ENOX1: variants seen among roughly 807,000 people sequenced by gnomAD.
ENOX1 encodes ecto-NOX disulfide-thiol exchanger 1, also known as candidate growth-related and time keeping constitutive hydroquinone (NADH) oxidase.
In ENOX1, 42 loss-of-function variants were observed where a neutral mutation model predicts 82.5. That is an observed-to-expected ratio of 0.51 (90% confidence interval 0.40 to 0.66). ENOX1 has a LOEUF of 0.66. Among genes scored for constraint, ENOX1 ranks in the 30% least tolerant of loss-of-function variants. The probability of loss-of-function intolerance (pLI) is 0.00; values close to 1 mark genes in which losing one functional copy is unlikely to be tolerated. For synonymous variants in ENOX1, 271 were observed against 282.2 expected, an observed-to-expected ratio of 0.96 and a Z score of 0.40; for missense variants, 608 against 811.6, an observed-to-expected ratio of 0.75 and a Z score of 3.05.
intron 5 of ENOX1, among the ~76,000 whole-genome samples, chr13:43,396,906 G>A (rs966789029): frequency 4.1e-4 from 63 of 152,346 alleles, no homozygotes; most frequent in African/African-American, 1.4e-3. Context: ...CAAGGGCCTC[G>A]AAATCTGTGC....
chr13:43,601,656 A>G (rs2081727834), intron 2 of ENOX1, among the ~76,000 whole-genome samples: 1 of 152,176 alleles, frequency 6.6e-6, no homozygotes, highest in Non-Finnish European at 1.5e-5. Flanking sequence ...AATAACACAG[A>G]ACTTTCCAAA....
chr13:43,734,145 A>G (rs2089487759), intron 1 of ENOX1, among the ~76,000 whole-genome samples: 1 of 152,150 alleles, frequency 6.6e-6, no homozygotes, highest in African/African-American at 2.4e-5. Context: ...TGGCCCTCTC[A>G]ACACCTTGAT....
chr13:43,266,087 A>C (rs533332409), intron 13 of ENOX1, among the ~76,000 whole-genome samples: 1 of 152,318 alleles, frequency 6.6e-6, no homozygotes, highest in African/African-American at 2.4e-5. Flanking sequence ...TCAGAGGCTT[A>C]GGAGTAATCA....
intron 5 of ENOX1, among the ~76,000 whole-genome samples, chr13:43,380,272 A>AT (rs202000314): frequency 1.3e-5 from 2 of 151,008 alleles, no homozygotes; most frequent in African/African-American, 4.9e-5. Flanking sequence ...GAAAAAAAAA[A>AT]TTTTTACTTA....
At chr13:43,295,343 T>A (rs182470308) in intron 12 of ENOX1, among the ~76,000 whole-genome samples, 23 of 152,286 alleles carry the variant, frequency 1.5e-4, no homozygotes, top group Admixed American at 1.4e-3. Flanking sequence ...CCTTTCATAT[T>A]ATTAAATTGT....
intron 3 of ENOX1, among the ~76,000 whole-genome samples, chr13:43,424,611 G>A (rs1164407932): frequency 6.6e-6 from 1 of 152,190 alleles, no homozygotes. Flanking sequence ...TAAAGCATTA[G>A]CCCTGCAGTC....
chr13:43,733,184 G>A (rs2089439185), intron 1 of ENOX1, among the ~76,000 whole-genome samples: 1 of 151,998 alleles, frequency 6.6e-6, no homozygotes, highest in South Asian at 2.1e-4. Flanking sequence ...AAAATATAAG[G>A]ATTTCATAAA....
intron 5 of ENOX1, among the ~76,000 whole-genome samples, chr13:43,395,985 G>A (rs772319820): frequency 5.9e-5 from 9 of 152,054 alleles, no homozygotes; most frequent in Non-Finnish European, 1.0e-4. Context: ...AAAAACAAAC[G>A]ATGGCCACTT....
intron 1 of ENOX1, among the ~76,000 whole-genome samples, chr13:43,759,097 CT>C (rs3044251): frequency 0.056 from 6,881 of 122,320 alleles, 247 homozygotes; most frequent in African/African-American, 0.16. Context: ...TGATAAGTTT[CT>C]TTTTTTTTTT....
chr13:43,706,744 G>A (rs1445971521), intron 1 of ENOX1, among the ~76,000 whole-genome samples: 2 of 151,278 alleles, frequency 1.3e-5, no homozygotes, highest in Non-Finnish European at 2.9e-5. Flanking sequence ...AGTAATAGAA[G>A]GGAACCTGAT....
intron 3 of ENOX1, among the ~76,000 whole-genome samples, chr13:43,421,993 G>T (rs1422848607): frequency 1.4e-5 from 2 of 143,670 alleles, no homozygotes; most frequent in African/African-American, 2.5e-5. Flanking sequence ...AAGGAACCAA[G>T]AAAAAAAAAA....
At chr13:43,479,434 G>A (rs947231908) in intron 3 of ENOX1, among the ~76,000 whole-genome samples, 1 of 152,104 alleles carries the variant, frequency 6.6e-6, no homozygotes, top group East Asian at 1.9e-4. Flanking sequence ...TGTGGCATCA[G>A]CCCCACCACT....
chr13:43,580,023 G>A (rs1011312514), intron 2 of ENOX1, among the ~76,000 whole-genome samples: 2 of 152,062 alleles, frequency 1.3e-5, no homozygotes, highest in African/African-American at 4.8e-5. Flanking sequence ...CCACATGCAA[G>A]CAGATAGTAA....
intron 1 of ENOX1, among the ~76,000 whole-genome samples, chr13:43,684,537 G>A (rs1229992531): frequency 1.3e-5 from 2 of 152,116 alleles, no homozygotes; most frequent in African/African-American, 4.8e-5. Flanking sequence ...TCCTTTTATA[G>A]CAGATTCATC....
chr13:43,270,376 G>A (rs2044617193), intron 12 of ENOX1, among the ~76,000 whole-genome samples: 1 of 152,198 alleles, frequency 6.6e-6, no homozygotes, highest in Non-Finnish European at 1.5e-5. Context: ...GACAACAAAG[G>A]ACTGGTTCGA....
intron 1 of ENOX1, among the ~76,000 whole-genome samples, chr13:43,782,394 G>T (rs1189503414): frequency 6.6e-6 from 1 of 152,066 alleles, no homozygotes; most frequent in African/African-American, 2.4e-5. Context: ...CCAGACAGTG[G>T]AAAATAGATT....
intron 14 of ENOX1, among the ~76,000 whole-genome samples, chr13:43,252,793 G>C (rs1257990307): frequency 6.6e-6 from 1 of 152,138 alleles, no homozygotes; most frequent in African/African-American, 2.4e-5. Flanking sequence ...GGGCATGGTG[G>C]CAGGTCAGTA....
At chr13:43,286,973 A>G (rs2045732567) in intron 12 of ENOX1, among the ~76,000 whole-genome samples, 1 of 152,116 alleles carries the variant, frequency 6.6e-6, no homozygotes, top group Non-Finnish European at 1.5e-5. Context: ...GCAGTTCTGA[A>G]GCACTGCTTT....
chr13:43,711,039 A>T (rs1220438208), intron 1 of ENOX1, among the ~76,000 whole-genome samples: 1 of 151,592 alleles, frequency 6.6e-6, no homozygotes, highest in Non-Finnish European at 1.5e-5. Context: ...ATTTAGTATT[A>T]GGTATATCTC....
Sources: allele counts gnomAD v4.1 joint callset (sites outside exome capture counted in the v4.1 genomes callset), GRCh38; gene constraint gnomAD v4.1.1; transcripts MANE v1.5; gene names NCBI Gene and HGNC (gene_info 2026-07-23, HGNC 2026-07-21).